The following POLR3G variants were observed in gnomAD, a reference collection of about 807,000 sequenced individuals.
The protein encoded by POLR3G is DNA-directed RNA polymerase III subunit RPC7.
POLR3G carries 28 observed loss-of-function variants against 30.1 expected under a neutral mutation model. That is an observed-to-expected ratio of 0.93 (90% CI 0.69 to 1.27). The LOEUF (loss-of-function observed/expected upper bound fraction) is 1.27. Among genes scored for constraint, POLR3G ranks in the 50% most tolerant of loss-of-function variants. The pLI is 0.00. For synonymous variants in POLR3G, 79 were observed against 82.5 expected (o/e 0.96, Z 0.23); for missense variants, 254 against 264.6 (o/e 0.96, Z 0.28).
At chr5:90,493,762 C>T (rs1270595460) in intron 3 of POLR3G, among the ~76,000 whole-genome samples, 1 of 118,936 alleles carries the variant, frequency 8.4e-6, no homozygotes, top group East Asian at 2.8e-4. Flanking sequence ...GGCTGGAATG[C>T]AGTGGCATTA....
At chr5:90,483,030 C>T (rs1751223688) in intron 1 of POLR3G, among the ~76,000 whole-genome samples, 1 of 151,696 alleles carries the variant, frequency 6.6e-6, no homozygotes, top group Non-Finnish European at 1.5e-5. Context: ...ATCTCAACTA[C>T]TCGGGAGGCT....
chr5:90,514,363 TTTA>T lies in POLR3G; in HGVS notation c.*2227_*2229del, dbSNP rs1752869799. On this transcript the variant is annotated 3_prime_UTR_variant, in exon 8 of 8. Transcript: ENST00000651687. Reference sequence around the variant, plus strand: ...TTGCTGTAATGCTTGTTTTTCTGTATTTATTTACACATTAAATTCTTACAAAAC... The same window carrying T: ...TTGCTGTAATGCTTGTTTTTCTGTATTTTACACATTAAATTCTTACAAAAC... The T allele has an allele frequency of 6.6e-6, 1 of 152,262 alleles. No individual in the cohort carries two copies. Among genetic ancestry groups the T allele is most frequent in the Non-Finnish European group, 1.5e-5 (1 of 68,052 alleles). The allele number at this position is 152,262 out of a possible 1,614,324, so 9.4% of individuals were successfully genotyped here.
At chr5:90,485,474 A>AGT (rs1751390198) in intron 1 of POLR3G, 51 bp from the exon 2 acceptor site, 1 of 904,302 alleles carries the variant, frequency 1.1e-6, no homozygotes, top group East Asian at 2.5e-5. Context: ...TTTGCTTTAA[A>AGT]GTGTTGATTT....
chr5:90,474,022 C>A (rs1370066713), upstream of POLR3G: 2 of 1,594,940 alleles, frequency 1.3e-6, no homozygotes, highest in Non-Finnish European at 1.7e-6. Flanking sequence ...TGGTAGAGGC[C>A]GCCGGAGTGG....
chr5:90,488,167 A>G (rs1316406355), intron 3 of POLR3G, 38 bp downstream of exon 3: 1 of 1,493,038 alleles, frequency 6.7e-7, no homozygotes, highest in East Asian at 2.4e-5. Flanking sequence ...GGCTTAATGT[A>G]TACAGATGAA....
intron 1 of POLR3G, among the ~76,000 whole-genome samples, chr5:90,477,969 T>A (rs1326147815): frequency 6.6e-6 from 1 of 152,232 alleles, no homozygotes; most frequent in Non-Finnish European, 1.5e-5. Context: ...TTACTTGGCA[T>A]ATGCCCTATG....
chr5:90,507,010 G>A (rs146693838), intron 7 of POLR3G, among the ~76,000 whole-genome samples: 48 of 152,286 alleles, frequency 3.2e-4, no homozygotes, highest in Admixed American at 1.6e-3. Context: ...TTCAGGTAAC[G>A]GAGGGCTTAA....
chr5:90,490,918 A>C (rs1402081831), intron 3 of POLR3G: 1 of 159,400 alleles, frequency 6.3e-6, no homozygotes, highest in Non-Finnish European at 1.4e-5. Context: ...AGAGAATCAT[A>C]TTCCGGATAG....
rs1169210535 is a variant in POLR3G at position 90,513,142 on chromosome 5, ACCT to A, written c.*1005_*1007del. 1.3e-5 allele frequency: 2 copies of A among 152,508 alleles called. No individual in the cohort carries two copies. Among genetic ancestry groups the A allele is most frequent in the Non-Finnish European group, 2.9e-5 (2 of 67,974 alleles). 9.4% of individuals were successfully genotyped at this position (152,508 alleles called of 1,614,324 possible). ...ATTTTTTGGGAAAAAATACCTAAAAACCTCAGCCTACAAAGACTCTCAGAAATG... is the reference window on the plus strand; with the variant it reads ...ATTTTTTGGGAAAAAATACCTAAAAACAGCCTACAAAGACTCTCAGAAATG... On this transcript the variant is annotated 3_prime_UTR_variant, in exon 8 of 8. Coordinates refer to ENST00000651687, the MANE Select transcript of POLR3G (RefSeq NM_006467.3).
At chr5:90,475,998 A>G (rs1474299039) in intron 1 of POLR3G, among the ~76,000 whole-genome samples, 1 of 152,232 alleles carries the variant, frequency 6.6e-6, no homozygotes, top group African/African-American at 2.4e-5. Context: ...GGCGTGAGCC[A>G]CTACACCCGG....
chr5:90,501,633 A>AT (rs1752249581), intron 5 of POLR3G, among the ~76,000 whole-genome samples: 2 of 152,148 alleles, frequency 1.3e-5, no homozygotes, highest in South Asian at 4.1e-4. Context: ...AATGATATTA[A>AT]TTGCCAGTAC....
chr5:90,491,965 T>C (rs889720656), intron 3 of POLR3G, among the ~76,000 whole-genome samples: 4 of 152,320 alleles, frequency 2.6e-5, no homozygotes, highest in South Asian at 4.1e-4. Flanking sequence ...GAGACTCTTA[T>C]GTTTGTAGTT....
chr5:90,500,425 T>G (rs1752193058), intron 5 of POLR3G, among the ~76,000 whole-genome samples: 1 of 152,168 alleles, frequency 6.6e-6, no homozygotes, highest in Non-Finnish European at 1.5e-5. Flanking sequence ...AGGTTTATGT[T>G]ATGAAATTAA....
intron 3 of POLR3G, among the ~76,000 whole-genome samples, chr5:90,489,508 C>G (rs1022530440): frequency 6.6e-6 from 1 of 151,670 alleles, no homozygotes; most frequent in African/African-American, 2.4e-5. Context: ...AGTGGTCTGC[C>G]CATCTCAGCC....
chr5:90,499,531 C>T lies in POLR3G; in HGVS notation c.355+1825C>T, dbSNP rs151116491. Among the ~76,000 whole-genome samples the T allele has an allele frequency of 6.8e-4, 104 of 152,096 alleles. 1 individual carries two copies. The East Asian group carries it at 7.3e-3, about 11-fold the overall frequency. On this transcript the variant is annotated intron_variant, in intron 5 of 7. Coordinates refer to ENST00000651687, the MANE Select transcript of POLR3G (RefSeq NM_006467.3). The stretch of plus-strand genomic sequence containing the variant: ...AGAATCCAGATTGGAATGGCTTAAC[C>T]GGTAAATGGAGCTTAGGAAATGGAG...
chr5:90,490,621 C>T (rs1751677257), intron 3 of POLR3G: 1 of 393,248 alleles, frequency 2.5e-6, no homozygotes, highest in African/African-American at 2.2e-5. Context: ...TTTGCTCACA[C>T]TGGTCTCACA....
At chr5:90,503,948 T>G (rs1485858867) in intron 6 of POLR3G, among the ~76,000 whole-genome samples, 1 of 152,206 alleles carries the variant, frequency 6.6e-6, no homozygotes, top group Non-Finnish European at 1.5e-5. Context: ...ATTATTCATT[T>G]TATTCTTAAA....
intron 3 of POLR3G, among the ~76,000 whole-genome samples, chr5:90,494,535 C>A (rs929483922): frequency 6.6e-6 from 1 of 151,956 alleles, no homozygotes; most frequent in African/African-American, 2.4e-5. Flanking sequence ...TCCAATTTTT[C>A]CATATCCTTG....
chr5:90,502,730 G>A lies in POLR3G; in HGVS notation c.438+742G>A, dbSNP rs536221441. ...ACAGAGATAGCATATTACATTCTGC[G>A]TTTTCATTTTATCACTTAACTGAAT... On this transcript the variant is annotated intron_variant, in intron 6 of 7. Coordinates refer to ENST00000651687, the MANE Select transcript of POLR3G (RefSeq NM_006467.3). Among the ~76,000 whole-genome samples, 14 of 147,050 alleles carry A rather than the reference G, an allele frequency of 9.5e-5. No homozygotes were observed. The East Asian group carries it at 2.2e-3, about 23-fold the overall frequency.
Sources: allele counts gnomAD v4.1 joint callset (sites outside exome capture counted in the v4.1 genomes callset), GRCh38; gene constraint gnomAD v4.1.1; transcripts MANE v1.5; gene names NCBI Gene and HGNC (gene_info 2026-07-23, HGNC 2026-07-21).